The following SH3BGRL2 variants were observed in gnomAD, a reference collection of about 807,000 sequenced individuals.
The protein encoded by SH3BGRL2 is SH3 domain binding glutamate rich protein like 2.
A neutral mutation model predicts 14.8 loss-of-function variants in SH3BGRL2; 21 were observed. The ratio of observed to expected loss-of-function variants is 1.42; its 90% CI spans 1.01 to 2.05. The LOEUF is 2.05. Ranked by LOEUF, SH3BGRL2 falls within the 30% of genes most tolerant of loss-of-function variation. The pLI, the probability that SH3BGRL2 is intolerant of heterozygous loss-of-function variation, is 0.00. For missense variants in SH3BGRL2, 147 were observed against 130.8 expected, an observed-to-expected ratio of 1.12 and a Z score of -0.61; for synonymous variants, 50 against 47.8, an observed-to-expected ratio of 1.05 and a Z score of -0.19.
At chr6:79,546,844 T>C in the SH3BGRL2 span, among the ~76,000 whole-genome samples, 3 of 151,874 alleles carry the variant, frequency 2.0e-5, no homozygotes, top group African/African-American at 7.3e-5. Context: ...CATGCCCGGC[T>C]AATTTTTTTG....
At chr6:79,540,695 C>T in the SH3BGRL2 span, among the ~76,000 whole-genome samples, 6 of 152,014 alleles carry the variant, frequency 3.9e-5, no homozygotes, top group African/African-American at 1.2e-4. Flanking sequence ...ATACTTACAA[C>T]ATAATGCTGG....
the SH3BGRL2 span, among the ~76,000 whole-genome samples, chr6:79,597,114 C>T: frequency 6.6e-6 from 1 of 151,990 alleles, no homozygotes; most frequent in African/African-American, 2.4e-5. Context: ...CCTGTAATCC[C>T]AGCCTCTCAA....
chr6:79,687,567 C>G (rs1419994223), intron 2 of SH3BGRL2, among the ~76,000 whole-genome samples: 1 of 152,096 alleles, frequency 6.6e-6, no homozygotes, highest in East Asian at 1.9e-4. Context: ...TTGGAATTGT[C>G]TACTGTTTTT....
At chr6:79,680,589 A>AT (rs889376287) in intron 2 of SH3BGRL2, among the ~76,000 whole-genome samples, 19 of 151,420 alleles carry the variant, frequency 1.3e-4, no homozygotes, top group East Asian at 1.2e-3. Context: ...TTTTAGGATG[A>AT]TTTTTTTTTC....
At chr6:79,608,286 A>G in the SH3BGRL2 span, among the ~76,000 whole-genome samples, 1 of 152,104 alleles carries the variant, frequency 6.6e-6, no homozygotes, top group Non-Finnish European at 1.5e-5. Context: ...TGTTTCTTCA[A>G]TTGGGAGGAA....
At chr6:79,668,634 G>C (rs1466195318) in intron 1 of SH3BGRL2, among the ~76,000 whole-genome samples, 1 of 151,966 alleles carries the variant, frequency 6.6e-6, no homozygotes, top group Non-Finnish European at 1.5e-5. Context: ...AGAGTACTAA[G>C]GTCGTAATGG....
chr6:79,563,309 C>T, the SH3BGRL2 span, among the ~76,000 whole-genome samples: 1 of 151,304 alleles, frequency 6.6e-6, no homozygotes, highest in Non-Finnish European at 1.5e-5. Flanking sequence ...GACGGGGTTT[C>T]ACCATGTTGG....
chr6:79,613,286 C>T, the SH3BGRL2 span, among the ~76,000 whole-genome samples: 30,336 of 152,120 alleles, frequency 0.2, 3,207 homozygotes, highest in Non-Finnish European at 0.22. Context: ...CATCAAAATC[C>T]AACTGTTCAA....
chr6:79,619,895 A>G, the SH3BGRL2 span, among the ~76,000 whole-genome samples: 1 of 152,246 alleles, frequency 6.6e-6, no homozygotes, highest in East Asian at 1.9e-4. Flanking sequence ...AGATTTTACT[A>G]ACATTTAGAA....
chr6:79,580,974 A>C, the SH3BGRL2 span, among the ~76,000 whole-genome samples: 6 of 152,368 alleles, frequency 3.9e-5, no homozygotes, highest in Non-Finnish European at 7.3e-5. Context: ...CTGATCCCAC[A>C]GAAATACAAG....
intron 1 of SH3BGRL2, among the ~76,000 whole-genome samples, chr6:79,670,002 A>G (rs1582729621): frequency 6.6e-6 from 1 of 152,244 alleles, no homozygotes; most frequent in Non-Finnish European, 1.5e-5. Context: ...TCAATATTTT[A>G]GGCATTGGGG....
chr6:79,595,993 A>G, the SH3BGRL2 span, among the ~76,000 whole-genome samples: 3 of 152,228 alleles, frequency 2.0e-5, no homozygotes, highest in African/African-American at 7.2e-5. Context: ...GACACAGATC[A>G]ACATACAAAA....
At chr6:79,549,033 T>C in the SH3BGRL2 span, among the ~76,000 whole-genome samples, 53 of 152,178 alleles carry the variant, frequency 3.5e-4, no homozygotes, top group Admixed American at 1.4e-3. Flanking sequence ...GAGGAAATTA[T>C]TCGTAGTGTC....
At chr6:79,625,066 A>G in the SH3BGRL2 span, among the ~76,000 whole-genome samples, 2 of 152,062 alleles carry the variant, frequency 1.3e-5, no homozygotes, top group Admixed American at 1.3e-4. Context: ...CCAGCTACTC[A>G]GGGAGCTGAG....
intron 2 of SH3BGRL2, among the ~76,000 whole-genome samples, chr6:79,684,350 C>G (rs2235876): frequency 0.055 from 8,294 of 152,068 alleles, 828 homozygotes; most frequent in East Asian, 0.43. Context: ...CAAACTTGTG[C>G]CTTATTACTG....
chr6:79,543,073 A>G, the SH3BGRL2 span, among the ~76,000 whole-genome samples: 13,343 of 152,242 alleles, frequency 0.088, 681 homozygotes, highest in Non-Finnish European at 0.1. Flanking sequence ...AGATGAGGAA[A>G]CTGACCCTGA....
At chr6:79,548,808 G>A in the SH3BGRL2 span, among the ~76,000 whole-genome samples, 6 of 152,152 alleles carry the variant, frequency 3.9e-5, no homozygotes, top group Non-Finnish European at 7.4e-5. Context: ...TAGATGGTTA[G>A]AGCAAGTCTG....
chr6:79,606,191 G>A, the SH3BGRL2 span, among the ~76,000 whole-genome samples: 2 of 152,110 alleles, frequency 1.3e-5, no homozygotes, highest in African/African-American at 4.8e-5. Context: ...GGAATTGCAA[G>A]GCATCCAGCA....
chr6:79,601,475 C>T, the SH3BGRL2 span, among the ~76,000 whole-genome samples: 1 of 152,164 alleles, frequency 6.6e-6, no homozygotes, highest in African/African-American at 2.4e-5. Flanking sequence ...TGATTACAGG[C>T]GTGAGCAACC....
Sources: allele counts gnomAD v4.1 joint callset (sites outside exome capture counted in the v4.1 genomes callset), GRCh38; gene constraint gnomAD v4.1.1; transcripts MANE v1.5; gene names NCBI Gene and HGNC (gene_info 2026-07-23, HGNC 2026-07-21).